The following MAP2 variants were observed in gnomAD, a reference collection of about 807,000 sequenced individuals.
MAP2 encodes microtubule associated protein 2.
MAP2 carries 14 observed loss-of-function variants against 137.6 expected under a neutral mutation model. The ratio of observed to expected loss-of-function variants is 0.10; its 90% CI spans 0.07 to 0.16. The LOEUF (loss-of-function observed/expected upper bound fraction) is 0.16. Ranked by LOEUF, MAP2 falls within the 10% of genes least tolerant of loss-of-function variation. The pLI is 1.00. For synonymous variants in MAP2, 786 were observed against 782.3 expected (o/e 1.00, Z -0.08); for missense variants, 2,088 against 2,191.5 (o/e 0.95, Z 0.94).
intron 4 of MAP2, among the ~76,000 whole-genome samples, chr2:209,643,764 A>G (rs2094207140): frequency 6.6e-6 from 1 of 152,202 alleles, no homozygotes; most frequent in Non-Finnish European, 1.5e-5. Flanking sequence ...ATTAGGCACA[A>G]CAGAGCACTG....
At chr2:209,718,867 A>C (rs1192366343) in intron 13 of MAP2, among the ~76,000 whole-genome samples, 1 of 152,154 alleles carries the variant, frequency 6.6e-6, no homozygotes, top group African/African-American at 2.4e-5. Context: ...CAGAGTGCAA[A>C]GTTTTTAACA....
chr2:209,508,558 A>G (rs1348290923), intron 2 of MAP2, among the ~76,000 whole-genome samples: 2 of 132,984 alleles, frequency 1.5e-5, no homozygotes, highest in African/African-American at 5.4e-5. Context: ...ATAAGCACAC[A>G]GACACACAGA....
intron 5 of MAP2, among the ~76,000 whole-genome samples, chr2:209,667,193 A>G (rs1197238095): frequency 6.6e-6 from 1 of 152,038 alleles, no homozygotes; most frequent in African/African-American, 2.4e-5. Flanking sequence ...ATAGCTTTTG[A>G]TCACCTTCTA....
intron 2 of MAP2, among the ~76,000 whole-genome samples, chr2:209,560,337 T>G (rs1442526546): frequency 6.6e-6 from 1 of 152,194 alleles, no homozygotes; most frequent in East Asian, 1.9e-4. Flanking sequence ...TTTCTTACAT[T>G]TATTTAGTAG....
At chr2:209,479,347 T>C (rs948387993) in intron 1 of MAP2, among the ~76,000 whole-genome samples, 15 of 152,144 alleles carry the variant, frequency 9.9e-5, no homozygotes, top group African/African-American at 3.1e-4. Context: ...GCATCACTTA[T>C]ATAAAATTTC....
intron 2 of MAP2, among the ~76,000 whole-genome samples, chr2:209,563,736 TC>T (rs1311099489): frequency 6.6e-6 from 1 of 152,216 alleles, no homozygotes; most frequent in African/African-American, 2.4e-5. Context: ...GAGGTTTTGG[TC>T]TCAACCAAGA....
intron 2 of MAP2, among the ~76,000 whole-genome samples, chr2:209,551,977 A>G (rs574888049): frequency 3.3e-5 from 5 of 152,322 alleles, no homozygotes; most frequent in South Asian, 2.1e-4. Context: ...TCAATATACC[A>G]TACTTACCAT....
chr2:209,644,893 A>C (rs16843326), intron 4 of MAP2, among the ~76,000 whole-genome samples: 31,471 of 151,940 alleles, frequency 0.21, 5,006 homozygotes, highest in African/African-American at 0.43. Flanking sequence ...TCTGATTTGC[A>C]TCCTTAGTCC....
At chr2:209,502,824 C>A (rs553800081) in intron 1 of MAP2, among the ~76,000 whole-genome samples, 14 of 151,988 alleles carry the variant, frequency 9.2e-5, no homozygotes, top group Non-Finnish European at 1.6e-4. Context: ...ATTTTCATTT[C>A]TCTGATGATT....
At chr2:209,704,600 T>C (rs895511052) in intron 11 of MAP2, 5 of 1,603,250 alleles carry the variant, frequency 3.1e-6, no homozygotes, top group African/African-American at 1.3e-5. Flanking sequence ...CCGTTTGCCA[T>C]ACTCAAAATC....
chr2:209,453,880 C>A (rs772798955), intron 1 of MAP2, among the ~76,000 whole-genome samples: 1 of 151,976 alleles, frequency 6.6e-6, no homozygotes, highest in African/African-American at 2.4e-5. Flanking sequence ...GGCCGGGTGT[C>A]GTGGCTCACG....
At chr2:209,484,883 T>C (rs564450081) in intron 1 of MAP2, among the ~76,000 whole-genome samples, 1 of 152,254 alleles carries the variant, frequency 6.6e-6, no homozygotes, top group Admixed American at 6.5e-5. Context: ...CTATTAGCCA[T>C]AGTGAAAAAA....
chr2:209,706,584 A>G (rs995333072), intron 12 of MAP2, among the ~76,000 whole-genome samples: 1 of 152,036 alleles, frequency 6.6e-6, no homozygotes, highest in Admixed American at 6.6e-5. Flanking sequence ...AAGTGGTTGA[A>G]TTTGGTTTTC....
intron 3 of MAP2, among the ~76,000 whole-genome samples, chr2:209,582,638 G>GGATA (rs906911237): frequency 1.1e-4 from 16 of 149,818 alleles, no homozygotes; most frequent in African/African-American, 4.0e-4. Flanking sequence ...AAGCATTTAA[G>GGATA]GATAGATAGA....
intron 4 of MAP2, among the ~76,000 whole-genome samples, chr2:209,637,648 C>A (rs999909966): frequency 1.3e-5 from 2 of 152,054 alleles, no homozygotes; most frequent in Non-Finnish European, 2.9e-5. Flanking sequence ...CCATCAGCCT[C>A]ACTGGTCCCT....
intron 12 of MAP2, among the ~76,000 whole-genome samples, chr2:209,708,741 T>C (rs557979259): frequency 1.3e-5 from 2 of 152,290 alleles, no homozygotes; most frequent in South Asian, 4.1e-4. Flanking sequence ...ATGAAAATTA[T>C]CCCTTTTCTA....
At chr2:209,617,606 G>T (rs555636637) in intron 3 of MAP2, among the ~76,000 whole-genome samples, 1 of 152,212 alleles carries the variant, frequency 6.6e-6, no homozygotes, top group East Asian at 1.9e-4. Context: ...TTGCTTCTTT[G>T]TGCTCATGGA....
intron 1 of MAP2, among the ~76,000 whole-genome samples, chr2:209,466,724 G>A (rs546766621): frequency 6.6e-6 from 1 of 152,160 alleles, no homozygotes; most frequent in Non-Finnish European, 1.5e-5. Flanking sequence ...CTTAAAGATA[G>A]GGAAGGCATT....
chr2:209,630,581 A>T (rs1295844976), intron 4 of MAP2, among the ~76,000 whole-genome samples: 1 of 152,132 alleles, frequency 6.6e-6, no homozygotes, highest in East Asian at 1.9e-4. Context: ...CTCAAAAGCT[A>T]TTAAAAATCT....
Sources: allele counts gnomAD v4.1 joint callset (sites outside exome capture counted in the v4.1 genomes callset), GRCh38; gene constraint gnomAD v4.1.1; transcripts MANE v1.5; gene names NCBI Gene and HGNC (gene_info 2026-07-23, HGNC 2026-07-21).